The following PRAMEF20 variants were observed in gnomAD, a reference collection of about 807,000 sequenced individuals.
PRAMEF20 encodes PRAME family member 20/21.
A neutral mutation model predicts 32.4 loss-of-function variants in PRAMEF20; 27 were observed. The observed-to-expected ratio is 0.83, with a 90% CI of 0.61 to 1.15. The LOEUF is 1.15. PRAMEF20 is among the 50% of genes most tolerant of loss of function. The pLI is 0.00. For synonymous variants in PRAMEF20, 256 were observed against 235.4 expected, an observed-to-expected ratio of 1.09 and a Z score of -0.80; for missense variants, 604 against 584.5, an observed-to-expected ratio of 1.03 and a Z score of -0.34.
chr1:13,420,501 G>A (rs930029728), intron 2 of PRAMEF20, among the ~76,000 whole-genome samples, 196 bp from the exon 4 acceptor site: 6 of 151,844 alleles, frequency 4.0e-5, no homozygotes, highest in Admixed American at 2.6e-4. Flanking sequence ...GAGTTACTGC[G>A]CCAGGCCTAA....
chr1:13,418,227 C>T, exon 2 of PRAMEF20: 1 of 1,613,790 alleles, frequency 6.2e-7, no homozygotes, highest in Non-Finnish European at 8.5e-7. Flanking sequence ...CCATGATGAA[C>T]AGAAAACCAC....
At chr1:13,420,533 AAAG>A (rs1332609722) in intron 2 of PRAMEF20, among the ~76,000 whole-genome samples, 161 bp from the exon 4 acceptor site, 2 of 152,124 alleles carry the variant, frequency 1.3e-5, no homozygotes, top group Admixed American at 1.3e-4. Flanking sequence ...CCTCAGTGGC[AAAG>A]CTCTTCATCA....
At chr1:13,417,893 C>T (rs1249265818) in intron 1 of PRAMEF20, among the ~76,000 whole-genome samples, 1 of 121,366 alleles carries the variant, frequency 8.2e-6, no homozygotes, top group Non-Finnish European at 1.8e-5. Flanking sequence ...AGGCGCCCGC[C>T]ACCACGCCCG....
chr1:13,418,533 T>TA lies in PRAMEF20; in HGVS notation c.699_700insA (p.Leu234ThrfsTer8). 2 of 1,613,964 alleles carry TA rather than the reference T, an allele frequency of 1.2e-6. No homozygotes were observed. Among genetic ancestry groups the TA allele is most frequent in the Admixed American group, 3.3e-5 (2 of 60,008 alleles). ...CCCCATACCTCGGCCAGATGAGGAA[T>TA]CTTCGGAAGCTCGTTCTCTCTGACA... On this transcript the variant is annotated frameshift_variant, in exon 2 of 3. Transcript: ENST00000602960. LOFTEE classifies it high-confidence loss of function.
intron 1 of PRAMEF20, among the ~76,000 whole-genome samples, 171 bp from the exon 3 acceptor site, chr1:13,417,951 T>TGTGTGTGC (rs1557476949): frequency 2.0e-5 from 3 of 147,532 alleles, no homozygotes; most frequent in African/African-American, 7.6e-5. Flanking sequence ...TGTGTGTGTG[T>TGTGTGTGC]GTTTAGTAGA....
upstream of PRAMEF20, among the ~76,000 whole-genome samples, chr1:13,415,226 T>G (rs1641157084): frequency 6.6e-6 from 1 of 152,090 alleles, no homozygotes; most frequent in Admixed American, 6.5e-5. Flanking sequence ...ATTACAGGTG[T>G]GTACCACCAT....
intron 1 of PRAMEF20, among the ~76,000 whole-genome samples, chr1:13,417,793 G>C (rs1252186237): frequency 7.0e-6 from 1 of 143,806 alleles, no homozygotes; most frequent in East Asian, 2.2e-4. Flanking sequence ...TGGGGCTAGA[G>C]TGCAGTGGCG....
intron 1 of PRAMEF20, among the ~76,000 whole-genome samples, chr1:13,417,716 T>C (rs936475810): frequency 6.8e-6 from 1 of 147,476 alleles, no homozygotes; most frequent in African/African-American, 2.5e-5. Flanking sequence ...ATGTGAAGTA[T>C]AAGTTCAGAA....
At chr1:13,411,361 T>C (rs896187440), upstream of PRAMEF20, among the ~76,000 whole-genome samples, 16 of 150,656 alleles carry the variant, frequency 1.1e-4, no homozygotes, top group East Asian at 2.8e-3. Context: ...ATATATCTTA[T>C]GCAAACAGTT....
intron 1 of PRAMEF20, among the ~76,000 whole-genome samples, chr1:13,417,258 C>CT (rs895928883): frequency 2.0e-5 from 3 of 152,104 alleles, no homozygotes; most frequent in East Asian, 3.9e-4. Flanking sequence ...ATCAGAGTGC[C>CT]TTTTTTTCAA....
the PRAMEF20 span, among the ~76,000 whole-genome samples, chr1:13,410,875 G>A: frequency 6.6e-5 from 10 of 151,734 alleles, no homozygotes; most frequent in Admixed American, 5.3e-4. Flanking sequence ...TTTTTTGGTG[G>A]GGGATAGAGT....
upstream of PRAMEF20, among the ~76,000 whole-genome samples, chr1:13,414,635 G>GT (rs1334478162): frequency 3.2e-4 from 47 of 146,162 alleles, no homozygotes; most frequent in Non-Finnish European, 4.5e-4. Context: ...ATTTTTGTGG[G>GT]TTTTTTTTTA....
At chr1:13,415,377 C>T (rs1641158493), upstream of PRAMEF20, among the ~76,000 whole-genome samples, 2 of 152,258 alleles carry the variant, frequency 1.3e-5, no homozygotes, top group South Asian at 4.1e-4. Context: ...TCACCATGCC[C>T]AGCCAAAGTG....
chr1:13,417,908 AT>A (rs878885349), intron 1 of PRAMEF20, among the ~76,000 whole-genome samples: 14 of 42,508 alleles, frequency 3.3e-4, no homozygotes, highest in Non-Finnish European at 7.6e-4. Flanking sequence ...CGCCCGGCTA[AT>A]TTGTGTGTGT....
upstream of PRAMEF20, among the ~76,000 whole-genome samples, chr1:13,411,828 C>T (rs1004875083): frequency 3.9e-5 from 6 of 152,082 alleles, no homozygotes; most frequent in Non-Finnish European, 2.9e-5. Context: ...GGCCTGTGCC[C>T]TCATTGTTCC....
At chr1:13,418,198 C>A in exon 2 of PRAMEF20, 1 of 1,613,656 alleles carries the variant, frequency 6.2e-7, no homozygotes, top group Non-Finnish European at 8.5e-7. Context: ...AGCCATGGCC[C>A]GTAGGTGCTT....
At chr1:13,417,976 A>G (rs1032075509) in intron 1 of PRAMEF20, 146 bp from the exon 3 acceptor site, 420 of 1,151,606 alleles carry the variant, frequency 3.6e-4, no homozygotes, top group East Asian at 1.7e-3. Flanking sequence ...GGGTTTCACC[A>G]TGCTAGCCAG....
At chr1:13,414,825 A>G (rs570567361), upstream of PRAMEF20, among the ~76,000 whole-genome samples, 1 of 152,090 alleles carries the variant, frequency 6.6e-6, no homozygotes, top group East Asian at 1.9e-4. Flanking sequence ...AGAGAGACAT[A>G]GTCTCACTCT....
intron 2 of PRAMEF20, among the ~76,000 whole-genome samples, chr1:13,419,740 TAAC>T (rs1403115869): frequency 6.6e-6 from 1 of 152,042 alleles, no homozygotes; most frequent in Non-Finnish European, 1.5e-5. Flanking sequence ...AGATAATTTT[TAAC>T]AAGATGATGG....
Sources: gnomAD v4.1 joint callset for allele counts (sites outside exome capture counted in the v4.1 genomes callset) on GRCh38, gnomAD v4.1.1 for gene constraint, MANE v1.5 for transcripts, NCBI Gene and HGNC (gene_info 2026-07-23, HGNC 2026-07-21) for gene names.